Variants in PHYKPL observed in about 807,000 individuals in gnomAD.
PHYKPL encodes the protein 5-phosphohydroxy-L-lysine phospho-lyase, also known as 5-phosphonooxy-L-lysine phospho-lyase.
PHYKPL carries 42 observed loss-of-function variants against 51.3 expected under a neutral mutation model. The ratio of observed to expected loss-of-function variants is 0.82; its 90% CI spans 0.64 to 1.06. PHYKPL has a LOEUF of 1.06. PHYKPL is among the 50% of genes least tolerant of loss of function. PHYKPL has a pLI of 0.00. For synonymous variants in PHYKPL, 264 were observed against 236.0 expected (o/e 1.12, Z -1.09); for missense variants, 655 against 586.6 (o/e 1.12, Z -1.20).
chr5:178,231,987 A>G (rs1478029169), intron 1 of PHYKPL: 7 of 1,210,044 alleles, frequency 5.8e-6, no homozygotes, highest in Non-Finnish European at 7.3e-6. Context: ...CTCCAGTGGG[A>G]GGCGACCTCA....
chr5:178,210,251 T>C, intron 12 of PHYKPL: 1 of 1,613,982 alleles, frequency 6.2e-7, no homozygotes, highest in Non-Finnish European at 8.5e-7. Context: ...CTATTACGGC[T>C]ACGGCCCCGG....
intron 10 of PHYKPL, among the ~76,000 whole-genome samples, chr5:178,213,451 A>G (rs2913749): frequency 0.23 from 35,363 of 152,168 alleles, 5,490 homozygotes; most frequent in African/African-American, 0.44. Flanking sequence ...CGTGATGTAT[A>G]TTGTTTCCTT....
In PHYKPL at chr5:178,209,306, G is replaced by A. The variant is rs748859714; in HGVS notation, c.*32-391C>T. 7.5e-6 allele frequency: 12 copies of A among 1,601,416 alleles called. 1 individual carries two copies. In the South Asian group the frequency reaches 1.3e-4, roughly 18 times the overall value. On this transcript the variant is annotated intron_variant, in intron 12 of 12. Transcript: ENST00000308158. ...TGCCCTGAGTTTGTCCTACTGGCCT[G>A]ACCACTGTCCTCTTGACTTTTAGTG... is the stretch of plus-strand genomic sequence containing the variant.
intron 12 of PHYKPL, chr5:178,210,070 C>T (rs1581178648): frequency 1.3e-6 from 2 of 1,586,654 alleles, no homozygotes; most frequent in East Asian, 2.2e-5. Flanking sequence ...AGGATTTCCT[C>T]CATCCTAGCT....
At chr5:178,210,301 G>A (rs769474365) in intron 12 of PHYKPL, 60 of 1,613,552 alleles carry the variant, frequency 3.7e-5, no homozygotes, top group South Asian at 1.2e-4. Flanking sequence ...GGCCCCATCC[G>A]CTCACCCCTC....
At chr5:178,210,269 T>A in intron 12 of PHYKPL, 1 of 1,614,104 alleles carries the variant, frequency 6.2e-7, no homozygotes, top group Non-Finnish European at 8.5e-7. Flanking sequence ...CGGCTACGAC[T>A]ACAGTAAGTA....
chr5:178,210,564 A>G, intron 12 of PHYKPL: 1 of 1,614,140 alleles, frequency 6.2e-7, no homozygotes. Flanking sequence ...TCAGGGTAGT[A>G]CAAACTACGG....
intron 12 of PHYKPL, among the ~76,000 whole-genome samples, chr5:178,209,974 G>A (rs1021580714): frequency 9.7e-6 from 1 of 103,126 alleles, no homozygotes; most frequent in Non-Finnish European, 1.9e-5. Flanking sequence ...CAGATGCAGG[G>A]TTGGGCCCAG....
chr5:178,227,531 T>C (rs1486122399), intron 3 of PHYKPL, among the ~76,000 whole-genome samples: 1 of 152,052 alleles, frequency 6.6e-6, no homozygotes, highest in Non-Finnish European at 1.5e-5. Flanking sequence ...CAAGGCCTTG[T>C]GAAGGAAAAG....
In PHYKPL at chr5:178,215,419, G is replaced by A. The variant is rs777837611; in HGVS notation, c.939C>T (p.Ser313=). The A allele has an allele frequency of 6.2e-7, 1 of 1,611,604 alleles. No homozygotes were observed. The part of the protein sequence containing the change: ...GVEYFNTFGG[S]PVSCAVGLAV... The stretch of plus-strand genomic sequence containing the variant: ...CCAGCCCCACAGCGCAGGACACTGG[G>A]CTGCCCCCAAACTGAGCCAGGGACA... Residue 313 remains serine, a synonymous_variant, in exon 9 of 13, where the codon AGC becomes AGT. Coordinates refer to ENST00000308158, the MANE Select transcript of PHYKPL (RefSeq NM_153373.4).
rs758835172 is a variant in PHYKPL at position 178,231,631 on chromosome 5, G to GT, written c.60-109_60-108insA. 3 of 1,580,442 alleles carry GT rather than the reference G, an allele frequency of 1.9e-6. No homozygotes were observed. In the African/African-American group the frequency reaches 4.0e-5, roughly 21 times the overall value. On this transcript the variant is annotated intron_variant, in intron 1 of 12. Transcript: ENST00000308158. ...CTTCCCAGTTTCTGGTGGCGGGGGG[G>GT]AAATGAGAGCTGGAAGGGCAAGGTG... is the stretch of plus-strand genomic sequence containing the variant.
chr5:178,215,326 C>T lies in PHYKPL; in HGVS notation c.1032G>A (p.Met344Ile), dbSNP rs1392475860. 2.5e-6 allele frequency: 4 copies of T among 1,614,080 alleles called. No individual in the cohort carries two copies. The highest frequency in any genetic ancestry group is 2.2e-5 in the East Asian group (1 of 44,882). Residue 344 changes from methionine to isoleucine, a missense_variant, in exon 9 of 13, where the codon ATG (methionine) becomes ATA (isoleucine). Met to Ile is a conservative substitution (Grantham distance 10, BLOSUM62 1). Transcript: ENST00000308158. ...DHATSVGSFL[M>I]QLLGQQKIKH... is the part of the protein sequence containing the mutation. ...TGATTTTTTGCTGCCCGAGGAGCTG[C>T]ATCAGGAAGCTGCCTACACTGGTGG...
chr5:178,230,357 G>A (rs962747946), intron 2 of PHYKPL: 1 of 442,264 alleles, frequency 2.3e-6, no homozygotes, highest in Non-Finnish European at 4.1e-6. Context: ...CTTTAAGGAG[G>A]ACTTTTTTTT....
At chr5:178,210,486 A>AT in intron 12 of PHYKPL, 10 of 1,530,150 alleles carry the variant, frequency 6.5e-6, no homozygotes, top group Non-Finnish European at 9.1e-6. Context: ...GGGAAGATGC[A>AT]TATCAAGCGC....
chr5:178,227,812 G>C (rs568384564), intron 3 of PHYKPL, among the ~76,000 whole-genome samples: 50 of 152,270 alleles, frequency 3.3e-4, no homozygotes, highest in African/African-American at 1.2e-3. Flanking sequence ...GGAGGAGGAC[G>C]CCAGGTGAGA....
rs767005208 is a variant in PHYKPL at position 178,214,976 on chromosome 5, A to G, written c.1083-91T>C. 25 of 1,190,376 alleles carry G rather than the reference A, an allele frequency of 2.1e-5. No homozygotes were observed. In the East Asian group the frequency reaches 3.9e-4, roughly 18 times the overall value. The allele number at this position is 1,190,376 out of a possible 1,614,324, so 73.7% of individuals were successfully genotyped here. On this transcript the variant is annotated intron_variant, in intron 9 of 12. Transcript: ENST00000308158. ...TCTGGGCTCCTACCTGTGCCTCCTGAGGGGGCTGAGTGCAGGAGGCACCTT... is the reference window on the plus strand; with the variant it reads ...TCTGGGCTCCTACCTGTGCCTCCTGGGGGGGCTGAGTGCAGGAGGCACCTT...
In PHYKPL at chr5:178,231,447, G is replaced by A; in HGVS notation, c.136C>T (p.Gln46Ter). The A allele has an allele frequency of 6.2e-7, 1 of 1,614,170 alleles. No individual in the cohort carries two copies. The highest frequency in any genetic ancestry group is 1.3e-5 in the African/African-American group (1 of 75,040). ...RAQGQYMYDE[Q>*]GAEYIDCISN... ...ATGCAATCGATGTATTCTGCCCCCT[G>A]TTCATCGTACATGTACTGCCCTTGG... The change falls in exon 2 of 13, where the codon CAG becomes TAG. Residue 46 changes from glutamine (Q) to a stop codon, truncating the protein, a stop_gained. Coordinates refer to ENST00000308158, the MANE Select transcript of PHYKPL (RefSeq NM_153373.4). LOFTEE classifies it high-confidence loss of function.
chr5:178,222,917 A>G lies in PHYKPL; in HGVS notation c.636T>C (p.Ala212=). ...GCCCTCCCACACTGGGCAGAGACTC[A>G]GCGAAGAAGGCTGCAATCTGTGAAG... ...EKGRKIAAFF[A]ESLPSVGGQI... Residue 212 remains alanine (A), a synonymous_variant, in exon 7 of 13, where the codon GCT becomes GCC. Transcript: ENST00000308158. The G allele has an allele frequency of 1.9e-6, 3 of 1,614,138 alleles. No individual in the cohort carries two copies. The Admixed American group carries it at 5.0e-5, about 27-fold the overall frequency.
chr5:178,223,261 C>G (rs1276237263), intron 6 of PHYKPL: 20 of 426,924 alleles, frequency 4.7e-5, no homozygotes, highest in Middle Eastern at 4.6e-4. Flanking sequence ...CAGCACTGCC[C>G]AAGGATTCTA....
Sources: allele counts gnomAD v4.1 joint callset (sites outside exome capture counted in the v4.1 genomes callset), GRCh38; gene constraint gnomAD v4.1.1; transcripts MANE v1.5; gene names NCBI Gene and HGNC (gene_info 2026-07-23, HGNC 2026-07-21).